Variants in LENG8 observed in about 807,000 individuals in gnomAD.
The protein encoded by LENG8 is leukocyte receptor cluster (LRC) member 8.
A neutral mutation model predicts 102.1 loss-of-function variants in LENG8; 28 were observed. That is an observed-to-expected ratio of 0.27 (90% CI 0.20 to 0.38). The LOEUF (loss-of-function observed/expected upper bound fraction) is 0.38. LENG8 is among the 10% of genes least tolerant of loss of function. LENG8 has a pLI of 1.00. For synonymous variants in LENG8, 531 were observed against 456.7 expected, an observed-to-expected ratio of 1.16 and a Z score of -2.07; for missense variants, 1,022 against 1,113.9, an observed-to-expected ratio of 0.92 and a Z score of 1.17.
intron 15 of LENG8, chr19:54,459,676 T>C (rs1450101118): frequency 3.9e-6 from 4 of 1,021,058 alleles, no homozygotes; most frequent in Non-Finnish European, 4.7e-6. Context: ...AGTTTGGAGC[T>C]AGGGAGGGAC....
intron 2 of LENG8, 199 bp from the exon 3 acceptor site, chr19:54,451,894 A>T (rs2083977840): frequency 1.9e-6 from 1 of 529,864 alleles, no homozygotes. Flanking sequence ...AAGTACCTTA[A>T]GTAGGTGATC....
intron 15 of LENG8, 173 bp from the exon 16 acceptor site, chr19:54,460,593 C>CCT: frequency 7.1e-7 from 1 of 1,413,564 alleles, no homozygotes; most frequent in Non-Finnish European, 9.2e-7. Context: ...TAACCCCCCC[C>CCT]GGGCCCCCCC....
Position 54,453,531 on chromosome 19 carries a change from C to T in LENG8, c.316-15C>T. ...TAGGCCTCCCACTAAACCCTCCCTC[C>T]CTGCGCCTTTGCAGAGCATGTACCA... On this transcript the variant is annotated splice_polypyrimidine_tract_variant and intron_variant, in intron 4 of 15. Coordinates refer to ENST00000326764, the MANE Select transcript of LENG8 (RefSeq NM_052925.4). The T allele has an allele frequency of 6.3e-7, 1 of 1,593,374 alleles. No individual in the cohort carries two copies. The highest frequency in any genetic ancestry group is 2.2e-5 in the East Asian group (1 of 44,768).
intron 10 of LENG8, 60 bp downstream of exon 10, chr19:54,456,525 T>C (rs985364558): frequency 4.9e-5 from 76 of 1,545,602 alleles, no homozygotes; most frequent in Middle Eastern, 1.9e-4. Context: ...TGGGGACCCA[T>C]GGGAGAAGGA....
chr19:54,460,203 G>A (rs2084459702), intron 15 of LENG8: 1 of 1,289,860 alleles, frequency 7.8e-7, no homozygotes, highest in South Asian at 1.2e-5. Context: ...TGTGTGGAAA[G>A]GGTAGGGCTG....
At chr19:54,457,039 C>A in intron 11 of LENG8, 118 bp downstream of exon 11, 1 of 1,140,880 alleles carries the variant, frequency 8.8e-7, no homozygotes, top group Non-Finnish European at 1.2e-6. Flanking sequence ...AGGGGAAGCT[C>A]GGCCAGAGAC....
At position 54,456,035 on chromosome 19, in the gene LENG8, C is replaced by G; in HGVS notation, c.1094C>G (p.Pro365Arg). The G allele has an allele frequency of 6.2e-7, 1 of 1,612,744 alleles. No homozygotes were observed. The change falls in exon 9 of 16, where the codon CCT (proline) becomes CGT (arginine). Residue 365 changes from proline to arginine, a missense_variant. Transcript: ENST00000326764. Reference sequence around the variant, plus strand: ...TGGGAGGCCGCTAGCAGCCTTCACCCTCCTAGAGGGGCAGGCTCGGCGACA... The same window carrying G: ...TGGGAGGCCGCTAGCAGCCTTCACCGTCCTAGAGGGGCAGGCTCGGCGACA... Reference protein sequence around the residue: ...KRWEAASSLHPPRGAGSATRG... With the variant: ...KRWEAASSLHRPRGAGSATRG...
chr19:54,449,913 C>G (rs931271058), intron 1 of LENG8, among the ~76,000 whole-genome samples: 1 of 152,234 alleles, frequency 6.6e-6, no homozygotes, highest in Non-Finnish European at 1.5e-5. Context: ...CACCCACGCC[C>G]TGTGTCCTGT....
At position 54,460,091 on chromosome 19, in the gene LENG8, C is replaced by T. The variant is rs1038431608; in HGVS notation, c.2241-675C>T. 103 of 1,289,554 alleles carry T rather than the reference C, an allele frequency of 8.0e-5. No homozygotes were observed. The Admixed American group carries it at 1.3e-3, about 17-fold the overall frequency. The allele number at this position is 1,289,554 out of a possible 1,614,324, so 79.9% of individuals were successfully genotyped here. ...TGCCCTGCCAGCTGAGACTGGGAGA[C>T]GGAGTGGGCTCTGATCCCAGGGCTT... On this transcript the variant is annotated intron_variant, in intron 15 of 15. Transcript: ENST00000326764.
intron 11 of LENG8, 40 bp from the exon 12 acceptor site, chr19:54,457,707 T>C (rs374568218): frequency 6.9e-7 from 1 of 1,441,332 alleles, no homozygotes; most frequent in Non-Finnish European, 9.8e-7. Flanking sequence ...CCACGCTACC[T>C]GAGTTGTACT....
intron 1 of LENG8, chr19:54,449,873 TC>T (rs2083873934): frequency 6.5e-6 from 1 of 152,828 alleles, no homozygotes; most frequent in African/African-American, 2.4e-5. Flanking sequence ...GGGCTCCTCT[TC>T]CTGTGTCCCC....
chr19:54,458,295 C>T lies in LENG8; in HGVS notation c.2033-19C>T, dbSNP rs2084356882. ...AGGGTTGAGCCCTGCTGACTTCACC[C>T]TCTTTGTCTTGGTGCTAGACATCAC... On this transcript the variant is annotated intron_variant, in intron 14 of 15. Transcript: ENST00000326764. The T allele has an allele frequency of 6.2e-7, 1 of 1,613,168 alleles. No individual in the cohort carries two copies. The highest frequency in any genetic ancestry group is 8.5e-7 in the Non-Finnish European group (1 of 1,179,468).
chr19:54,458,807 TTC>T, intron 15 of LENG8: 1 of 1,551,104 alleles, frequency 6.4e-7, no homozygotes, highest in South Asian at 1.2e-5. Flanking sequence ...CTTCCTCCTG[TTC>T]TCTCCTGCCT....
At chr19:54,450,244 G>A (rs1283529592) in intron 1 of LENG8, among the ~76,000 whole-genome samples, 1 of 152,148 alleles carries the variant, frequency 6.6e-6, no homozygotes, top group African/African-American at 2.4e-5. Flanking sequence ...ACCTCCCGTG[G>A]AAGCAGGCAG....
At chr19:54,454,843 C>T in intron 6 of LENG8, 108 bp from the exon 7 acceptor site, 2 of 1,486,678 alleles carry the variant, frequency 1.3e-6, no homozygotes, top group Non-Finnish European at 1.8e-6. Flanking sequence ...CTGGAGCCCT[C>T]CTCTAGAACC....
intron 4 of LENG8, 140 bp from the exon 5 acceptor site, chr19:54,453,406 G>A (rs746701883): frequency 4.8e-6 from 3 of 629,834 alleles, no homozygotes; most frequent in Non-Finnish European, 8.6e-6. Flanking sequence ...ATATATGAGA[G>A]GATGTGGTGC....
chr19:54,457,028 C>T, intron 11 of LENG8, 107 bp downstream of exon 11: 1 of 1,254,700 alleles, frequency 8.0e-7, no homozygotes, highest in Non-Finnish European at 1.1e-6. Context: ...TCTGGTATGG[C>T]AGGGGAAGCT....
rs750734896 is a variant in LENG8 at position 54,454,633 on chromosome 19, C to T, written c.630C>T (p.Thr210=). ...TGQAYGPHTY[T]EPAKPKKGQQ... ...AGGCCTATGGGCCACACACCTACAC[C>T]GAACCTGCCAAGCCCAAGAAGGGCC... is the stretch of plus-strand genomic sequence containing the variant. Residue 210 remains threonine, a synonymous_variant, in exon 6 of 16, where the codon ACC becomes ACT. Transcript: ENST00000326764. The T allele has an allele frequency of 9.0e-5, 145 of 1,607,980 alleles. No individual in the cohort carries two copies. The highest frequency in any genetic ancestry group is 8.5e-4 in the South Asian group (77 of 90,834).
chr19:54,455,698 T>TG (rs769764650), intron 8 of LENG8, 131 bp downstream of exon 8: 5 of 664,748 alleles, frequency 7.5e-6, no homozygotes, highest in African/African-American at 4.1e-5. Flanking sequence ...AGTTGGATCC[T>TG]GGGGGGATGA....
Sources: allele counts gnomAD v4.1 joint callset (sites outside exome capture counted in the v4.1 genomes callset), GRCh38; gene constraint gnomAD v4.1.1; transcripts MANE v1.5; gene names NCBI Gene and HGNC (gene_info 2026-07-23, HGNC 2026-07-21).